The following IL1RAPL1 variants were observed in gnomAD, a reference collection of about 807,000 sequenced individuals.
The protein encoded by IL1RAPL1 is interleukin-1 receptor accessory protein-like 1.
A neutral mutation model predicts 48.4 loss-of-function variants in IL1RAPL1; 3 were observed. The ratio of observed to expected loss-of-function variants is 0.06; its 90% CI spans 0.03 to 0.16. The LOEUF is 0.16. IL1RAPL1 is among the 10% of genes least tolerant of loss of function. The pLI is 1.00. For missense variants in IL1RAPL1, 349 were observed against 530.6 expected (o/e 0.66, Z 3.36); for synonymous variants, 185 against 187.7 (o/e 0.99, Z 0.12).
intron 2 of IL1RAPL1, among the ~76,000 whole-genome samples, chrX:28,819,985 T>C (rs868285986): frequency 9.2e-5 from 7 of 75,870 alleles, no homozygotes; most frequent in East Asian, 8.6e-4. Context: ...TATATATATA[T>C]ATATATATAT....
At chrX:28,779,898 A>G (rs1288624307) in intron 1 of IL1RAPL1, among the ~76,000 whole-genome samples, 2 of 108,717 alleles carry the variant, frequency 1.8e-5, no homozygotes, top group Non-Finnish European at 3.8e-5. Context: ...TCACTAATTA[A>G]TGAGGGAACT....
At chrX:29,547,889 G>A (rs1352562875) in intron 5 of IL1RAPL1, among the ~76,000 whole-genome samples, 1 of 112,439 alleles carries the variant, frequency 8.9e-6, no homozygotes, top group Non-Finnish European at 1.9e-5. Context: ...AAACATAAGA[G>A]AAACAAGATC....
In IL1RAPL1 at chrX:28,587,553, A is replaced by ACT. The variant is rs1163437466; in HGVS notation, c.-518_-517insTC. 1 of 110,573 alleles carries ACT rather than the reference A, an allele frequency of 9.0e-6. No homozygotes were observed. Among genetic ancestry groups the ACT allele is most frequent in the Non-Finnish European group, 1.9e-5 (1 of 52,944 alleles). The allele number at this position is 110,573 out of a possible 1,213,427, so 9.1% of individuals were successfully genotyped here. ...CCGGATCTGGAAATTTTACTTGGGG[A>ACT]CCAGGAGGATTTGAAAGGCTGCATG... On this transcript the variant is annotated 5_prime_UTR_variant, in exon 1 of 11. The change abolishes the stop of an existing upstream ORF in the 5' untranslated region. Transcript: ENST00000378993.
intron 3 of IL1RAPL1, among the ~76,000 whole-genome samples, chrX:29,335,588 G>C (rs930881959): frequency 2.5e-4 from 27 of 109,675 alleles, no homozygotes; most frequent in African/African-American, 7.6e-4. Context: ...CACAAACTTG[G>C]TGACTTAAAA....
At chrX:28,872,600 T>C (rs750535953) in intron 2 of IL1RAPL1, among the ~76,000 whole-genome samples, 1 of 112,558 alleles carries the variant, frequency 8.9e-6, no homozygotes, top group South Asian at 3.7e-4. Context: ...TGATTTTTTT[T>C]TTATTTTAAC....
At chrX:29,399,554 C>T (rs2147688480) in intron 5 of IL1RAPL1, among the ~76,000 whole-genome samples, 1 of 111,808 alleles carries the variant, frequency 8.9e-6, no homozygotes, top group East Asian at 2.8e-4. Context: ...GGCACCGTGG[C>T]TCATGCCTGT....
At chrX:29,379,742 T>C (rs1933671142) in intron 3 of IL1RAPL1, among the ~76,000 whole-genome samples, 2 of 111,967 alleles carry the variant, frequency 1.8e-5, no homozygotes, top group African/African-American at 6.5e-5. Context: ...CACATTTCCA[T>C]CCACTCTTGG....
chrX:29,937,096 C>CCA (rs1933046407), intron 8 of IL1RAPL1, among the ~76,000 whole-genome samples: 1 of 111,429 alleles, frequency 9.0e-6, no homozygotes, highest in Non-Finnish European at 1.9e-5. Flanking sequence ...TAACCAAATG[C>CCA]CAGTTTTCCC....
chrX:29,674,164 C>T (rs1378599931), intron 6 of IL1RAPL1, among the ~76,000 whole-genome samples: 4 of 112,147 alleles, frequency 3.6e-5, no homozygotes, highest in African/African-American at 1.3e-4. Flanking sequence ...CGGTAGCTCA[C>T]TCCTGGTATC....
chrX:28,973,894 T>G (rs1377514752), intron 2 of IL1RAPL1, among the ~76,000 whole-genome samples: 1 of 112,356 alleles, frequency 8.9e-6, no homozygotes, highest in East Asian at 2.8e-4. Flanking sequence ...CCACGTACTT[T>G]CCCTGTTCTT....
intron 1 of IL1RAPL1, among the ~76,000 whole-genome samples, chrX:28,787,739 A>G (rs1477462399): frequency 9.0e-6 from 1 of 111,589 alleles, no homozygotes; most frequent in African/African-American, 3.3e-5. Context: ...AAGTATCTGA[A>G]TGAGGCTCTG....
intron 6 of IL1RAPL1, among the ~76,000 whole-genome samples, chrX:29,773,217 A>G (rs1929108846): frequency 8.9e-6 from 1 of 112,134 alleles, no homozygotes; most frequent in South Asian, 3.7e-4. Context: ...AGTTGCATAC[A>G]CAGAAGTAGA....
chrX:29,261,749 T>G (rs1483462941), intron 2 of IL1RAPL1, among the ~76,000 whole-genome samples: 1 of 111,077 alleles, frequency 9.0e-6, no homozygotes, highest in Non-Finnish European at 1.9e-5. Context: ...TTCTCGCACT[T>G]GCCATGTCTG....
At chrX:29,724,441 G>A (rs770411593) in intron 6 of IL1RAPL1, among the ~76,000 whole-genome samples, 1 of 112,243 alleles carries the variant, frequency 8.9e-6, no homozygotes, top group South Asian at 3.7e-4. Context: ...CTAGATTTGA[G>A]AATCATTACA....
At chrX:29,384,962 T>C (rs1197578261) in intron 3 of IL1RAPL1, among the ~76,000 whole-genome samples, 1 of 112,058 alleles carries the variant, frequency 8.9e-6, no homozygotes, top group East Asian at 2.8e-4. Flanking sequence ...AATGATGGCT[T>C]AAATGAAATA....
chrX:29,514,511 C>G (rs1935425311), intron 5 of IL1RAPL1, among the ~76,000 whole-genome samples: 1 of 112,658 alleles, frequency 8.9e-6, no homozygotes, highest in African/African-American at 3.2e-5. Flanking sequence ...TGCAGTGGCA[C>G]TATCTCGGCT....
At chrX:28,745,751 T>C (rs1431128101) in intron 1 of IL1RAPL1, among the ~76,000 whole-genome samples, 2 of 111,916 alleles carry the variant, frequency 1.8e-5, no homozygotes, top group Non-Finnish European at 3.8e-5. Context: ...AATAGTGTGC[T>C]ATATAGTGTA....
chrX:29,906,498 T>TATATATATATTTC (rs1932631547), intron 6 of IL1RAPL1, among the ~76,000 whole-genome samples: 2 of 50,797 alleles, frequency 3.9e-5, no homozygotes, highest in Non-Finnish European at 7.2e-5. Flanking sequence ...TATATATATA[T>TATATATATATTTC]ATATATATAT....
At chrX:28,914,013 T>G (rs1426575594) in intron 2 of IL1RAPL1, among the ~76,000 whole-genome samples, 2 of 111,677 alleles carry the variant, frequency 1.8e-5, no homozygotes, top group Non-Finnish European at 3.8e-5. Flanking sequence ...AATACTACCT[T>G]GTGTTTTTAT....
Sources: gnomAD v4.1 joint callset for allele counts (sites outside exome capture counted in the v4.1 genomes callset) on GRCh38, gnomAD v4.1.1 for gene constraint, MANE v1.5 for transcripts, NCBI Gene and HGNC (gene_info 2026-07-23, HGNC 2026-07-21) for gene names.